TSTD2: variants seen among roughly 807,000 people sequenced by gnomAD.
TSTD2 encodes thiosulfate sulfurtransferase/rhodanese-like domain-containing protein 2.
Under a neutral mutation model 47.9 loss-of-function variants are expected in TSTD2, and 37 were observed. The observed-to-expected ratio is 0.77, with a 90% CI of 0.59 to 1.02. TSTD2 has a LOEUF of 1.02. Ranked by LOEUF, TSTD2 falls within the 50% of genes least tolerant of loss-of-function variation. The pLI is 0.00. For synonymous variants in TSTD2, 201 were observed against 215.9 expected, an observed-to-expected ratio of 0.93 and a Z score of 0.61; for missense variants, 586 against 616.0, an observed-to-expected ratio of 0.95 and a Z score of 0.52.
intron 3 of TSTD2, among the ~76,000 whole-genome samples, chr9:97,623,749 C>T (rs900922854): frequency 3.9e-5 from 6 of 151,910 alleles, no homozygotes; most frequent in Admixed American, 6.6e-5. Context: ...CCCAGCTACT[C>T]GGGAGGCTGA....
chr9:97,626,397 T>C (rs990962315), intron 2 of TSTD2, among the ~76,000 whole-genome samples: 4 of 152,224 alleles, frequency 2.6e-5, no homozygotes, highest in African/African-American at 9.6e-5. Context: ...TTTTAAGTTA[T>C]ATGGAAAAAT....
chr9:97,619,462 A>T (rs1241587889), intron 3 of TSTD2, among the ~76,000 whole-genome samples: 2 of 152,160 alleles, frequency 1.3e-5, no homozygotes, highest in Non-Finnish European at 2.9e-5. Flanking sequence ...CTTTATGACG[A>T]ACCATTTAAC....
intron 1 of TSTD2, among the ~76,000 whole-genome samples, chr9:97,628,673 G>A (rs1439971449): frequency 1.3e-5 from 2 of 152,068 alleles, no homozygotes; most frequent in East Asian, 3.8e-4. Context: ...CCTAAGCCTA[G>A]GCAGGCTTGT....
intron 9 of TSTD2, chr9:97,604,202 T>C (rs1826325178): frequency 6.6e-6 from 1 of 152,646 alleles, no homozygotes; most frequent in Non-Finnish European, 1.5e-5. Context: ...TTGAGATATC[T>C]GAGGCAACTA....
chr9:97,632,796 G>A (rs935689595), intron 1 of TSTD2, among the ~76,000 whole-genome samples: 1 of 152,180 alleles, frequency 6.6e-6, no homozygotes, highest in East Asian at 1.9e-4. Context: ...AGGGAAAAGA[G>A]CTAAGAAAGA....
rs3750369 is a variant in TSTD2 at position 97,617,922 on chromosome 9, A to G, written c.483-45T>C. On this transcript the variant is annotated intron_variant, in intron 3 of 9. Transcript: ENST00000341170. ...GGCAAAGAGCATTTGAGTCGCTGGCATAAAGAAGTCACAATTCATAAAATA... is the reference window on the plus strand; with the variant it reads ...GGCAAAGAGCATTTGAGTCGCTGGCGTAAAGAAGTCACAATTCATAAAATA... The G allele has an allele frequency of 7.9e-3, 12,520 of 1,589,586 alleles. 731 individuals carry two copies. In the Admixed American group the frequency reaches 0.11, roughly 14 times the overall value.
At chr9:97,626,631 G>A (rs1476396020) in intron 2 of TSTD2, among the ~76,000 whole-genome samples, 2 of 152,118 alleles carry the variant, frequency 1.3e-5, no homozygotes, top group African/African-American at 4.8e-5. Flanking sequence ...TGAACATTTA[G>A]ATTGTTTCTA....
Position 97,607,752 on chromosome 9 carries a change from A to C in TSTD2, c.836-1491T>G, listed in dbSNP as rs370230832. On this transcript the variant is annotated intron_variant, in intron 6 of 9. Coordinates refer to ENST00000341170, the MANE Select transcript of TSTD2 (RefSeq NM_139246.5). ...ACCCCGTCTCTACTAAAAATACAAA[A>C]ATTAGCCAGGTGTGGTGGCACATTC... Among the ~76,000 whole-genome samples, 235 of 152,220 alleles carry C rather than the reference A, an allele frequency of 1.5e-3. 1 individual carries two copies. The highest frequency in any genetic ancestry group is 5.5e-3 in the African/African-American group (227 of 41,526).
At chr9:97,603,930 ATCC>A (rs1826319293) in intron 9 of TSTD2, 1 of 152,230 alleles carries the variant, frequency 6.6e-6, no homozygotes. Context: ...GGCTCAAGTG[ATCC>A]TCCTACCTTG....
chr9:97,627,661 G>T (rs1826744012), intron 1 of TSTD2, 49 bp from the exon 2 acceptor site: 3 of 1,254,226 alleles, frequency 2.4e-6, no homozygotes, highest in Non-Finnish European at 2.2e-6. Flanking sequence ...TTGATTTCTT[G>T]AAGAAAATAT....
At chr9:97,608,056 G>A (rs1400779715) in intron 6 of TSTD2, among the ~76,000 whole-genome samples, 2 of 151,970 alleles carry the variant, frequency 1.3e-5, no homozygotes, top group African/African-American at 4.8e-5. Context: ...GGTGGCGCAT[G>A]CCTGTAGTCC....
intron 4 of TSTD2, among the ~76,000 whole-genome samples, chr9:97,616,214 A>G (rs909864750): frequency 6.6e-6 from 1 of 152,176 alleles, no homozygotes; most frequent in Non-Finnish European, 1.5e-5. Context: ...GGTGGGTTCC[A>G]AAAAACTGAA....
intron 1 of TSTD2, 29 bp from the exon 2 acceptor site, chr9:97,627,641 A>G: frequency 7.4e-7 from 1 of 1,349,506 alleles, no homozygotes; most frequent in Non-Finnish European, 1.0e-6. Context: ...AGAAGCAGCC[A>G]TGCTATTCTT....
chr9:97,630,712 C>A (rs78325200), intron 1 of TSTD2, among the ~76,000 whole-genome samples: 2,135 of 152,200 alleles, frequency 0.014, 103 homozygotes, highest in East Asian at 0.13. Flanking sequence ...AACCAGATTA[C>A]CCATGAATTA....
At position 97,601,533 on chromosome 9, in the gene TSTD2, A is replaced by G. The variant is rs1331690361; in HGVS notation, c.*936T>C. 31 of 989,290 alleles carry G rather than the reference A, an allele frequency of 3.1e-5. No homozygotes were observed. Among genetic ancestry groups the G allele is most frequent in the Non-Finnish European group, 3.6e-5 (30 of 832,330 alleles). 61.3% of individuals were successfully genotyped at this position (989,290 alleles called of 1,614,324 possible). On this transcript the variant is annotated 3_prime_UTR_variant, in exon 10 of 10. Coordinates refer to ENST00000341170, the MANE Select transcript of TSTD2 (RefSeq NM_139246.5). Reference sequence around the variant, plus strand: ...GAAACCAAACCAACAGAAAATGAAGAAGGCCACATCTTTAAGGCCACCTCT... The same window carrying G: ...GAAACCAAACCAACAGAAAATGAAGGAGGCCACATCTTTAAGGCCACCTCT...
At position 97,627,614 on chromosome 9, in the gene TSTD2, T is replaced by C. The variant is rs1268612150; in HGVS notation, c.-50-2A>G. ...ATATTCCTTTCAGTTAAATACCTCCTAGAATATAAATAAGAAAGAAGCAGC... is the reference window on the plus strand; with the variant it reads ...ATATTCCTTTCAGTTAAATACCTCCCAGAATATAAATAAGAAAGAAGCAGC... On this transcript the variant is annotated splice_acceptor_variant, in intron 1 of 9. Coordinates refer to ENST00000341170, the MANE Select transcript of TSTD2 (RefSeq NM_139246.5). LOFTEE classifies it low-confidence loss of function (5UTR_SPLICE). 1 of 1,460,156 alleles carries C rather than the reference T, an allele frequency of 6.8e-7. No homozygotes were observed. Among genetic ancestry groups the C allele is most frequent in the Admixed American group, 2.3e-5 (1 of 43,574 alleles). 90.4% of individuals were successfully genotyped at this position (1,460,156 alleles called of 1,614,324 possible).
At chr9:97,622,861 T>C (rs1368863354) in intron 3 of TSTD2, among the ~76,000 whole-genome samples, 1 of 152,270 alleles carries the variant, frequency 6.6e-6, no homozygotes, top group Non-Finnish European at 1.5e-5. Context: ...ACTCAATGCC[T>C]ATGCCCCCAT....
chr9:97,622,287 T>C (rs111669720), intron 3 of TSTD2, among the ~76,000 whole-genome samples: 18,007 of 152,228 alleles, frequency 0.12, 3,024 homozygotes, highest in African/African-American at 0.37. Context: ...GGTGCAAGCC[T>C]CAAGCCTTGG....
At chr9:97,605,362 A>C in intron 8 of TSTD2, 121 bp downstream of exon 8, 1 of 1,211,924 alleles carries the variant, frequency 8.3e-7, no homozygotes. Context: ...CGAGGGGTGA[A>C]GGCATGCTTT....
Sources: gnomAD v4.1 joint callset for allele counts (sites outside exome capture counted in the v4.1 genomes callset) on GRCh38, gnomAD v4.1.1 for gene constraint, MANE v1.5 for transcripts, NCBI Gene and HGNC (gene_info 2026-07-23, HGNC 2026-07-21) for gene names.